PHC3: variants seen among roughly 807,000 people sequenced by gnomAD.
The protein encoded by PHC3 is polyhomeotic homolog 3, also known as polyhomeotic-like protein 3.
PHC3 carries 13 observed loss-of-function variants against 107.4 expected under a neutral mutation model. The observed-to-expected ratio is 0.12, with a 90% CI of 0.08 to 0.19. PHC3 has a LOEUF of 0.19. PHC3 is among the 10% of genes least tolerant of loss of function. PHC3 has a pLI of 1.00. For synonymous variants in PHC3, 456 were observed against 427.4 expected, an observed-to-expected ratio of 1.07 and a Z score of -0.83; for missense variants, 992 against 1,210.9, an observed-to-expected ratio of 0.82 and a Z score of 2.68.
At chr3:170,135,208 T>TGGTGCAATCTTGGCTC (rs1308924652) in intron 7 of PHC3, among the ~76,000 whole-genome samples, 1 of 152,156 alleles carries the variant, frequency 6.6e-6, no homozygotes, top group Non-Finnish European at 1.5e-5. Context: ...TGGAGTGCAG[T>TGGTGCAATCTTGGCTC]GGTGCAATCT....
At chr3:170,177,245 T>A (rs1225627465) in intron 2 of PHC3, among the ~76,000 whole-genome samples, 3 of 152,210 alleles carry the variant, frequency 2.0e-5, no homozygotes, top group Non-Finnish European at 4.4e-5. Flanking sequence ...AACCATTCTG[T>A]ATGTTGGGGC....
At chr3:170,126,912 A>G (rs919163688) in intron 8 of PHC3, among the ~76,000 whole-genome samples, 3 of 151,962 alleles carry the variant, frequency 2.0e-5, no homozygotes, top group Non-Finnish European at 2.9e-5. Context: ...TATAAGGACT[A>G]TAAAGAAGTT....
At chr3:170,136,991 AAGC>A (rs1052400327) in intron 6 of PHC3, among the ~76,000 whole-genome samples, 1 of 152,082 alleles carries the variant, frequency 6.6e-6, no homozygotes, top group African/African-American at 2.4e-5. Flanking sequence ...AACTAAATAA[AAGC>A]AGTATGTATA....
intron 4 of PHC3, among the ~76,000 whole-genome samples, chr3:170,153,868 G>A (rs1560104636): frequency 6.6e-6 from 1 of 151,764 alleles, no homozygotes; most frequent in Non-Finnish European, 1.5e-5. Context: ...CATTACCATA[G>A]CAAGGTATGT....
intron 7 of PHC3, among the ~76,000 whole-genome samples, chr3:170,133,629 T>G (rs1387673695): frequency 1.3e-5 from 2 of 152,240 alleles, no homozygotes; most frequent in Non-Finnish European, 2.9e-5. Context: ...GGTTTGTTTA[T>G]AATCAACAAC....
chr3:170,104,649 C>A (rs1716125719), intron 12 of PHC3, among the ~76,000 whole-genome samples: 1 of 152,124 alleles, frequency 6.6e-6, no homozygotes, highest in Non-Finnish European at 1.5e-5. Flanking sequence ...ATTCTAGAAC[C>A]AGTATGCTGA....
chr3:170,181,562 C>T (rs1560148963), intron 1 of PHC3, 140 bp downstream of exon 1: 3 of 1,260,168 alleles, frequency 2.4e-6, no homozygotes, highest in Admixed American at 1.9e-5. Flanking sequence ...CTAGCCGGCT[C>T]CTCCACGATA....
chr3:170,149,020 A>T (rs763279432), intron 5 of PHC3, 66 bp downstream of exon 5: 2 of 1,470,344 alleles, frequency 1.4e-6, no homozygotes, highest in Non-Finnish European at 1.9e-6. Context: ...TATTGTATCA[A>T]ATCAAGAAAC....
intron 6 of PHC3, 68 bp from the exon 7 acceptor site, chr3:170,136,733 AT>A (rs576100256): frequency 1.0e-4 from 152 of 1,493,032 alleles, no homozygotes; most frequent in Non-Finnish European, 1.3e-4. Context: ...CATCATTACC[AT>A]TATGACAATA....
rs1358893953 is a variant in PHC3, at chr3:170,097,541, G to A, written c.2834-157C>T. On this transcript the variant is annotated intron_variant, in intron 14 of 14. Transcript: ENST00000495893. The surrounding 1 kb of genome is among the most constrained non-coding windows in gnomAD (Gnocchi z 4.1). The stretch of plus-strand genomic sequence containing the variant: ...TTATGGTAGTCTTGAGTTCACTCTT[G>A]AAGAATAGAGTATTTGCATTCTGAA... 1.3e-5 allele frequency among the ~76,000 whole-genome samples: 2 copies of A among 152,162 alleles called. No homozygotes were observed. Among genetic ancestry groups the A allele is most frequent in the Non-Finnish European group, 2.9e-5 (2 of 68,030 alleles).
chr3:170,168,753 CA>C (rs59152470), intron 4 of PHC3, among the ~76,000 whole-genome samples: 1,006 of 77,050 alleles, frequency 0.013, 4 homozygotes, highest in African/African-American at 0.035. Flanking sequence ...GACTCCGTCT[CA>C]AAAAAAAAAA....
intron 4 of PHC3, among the ~76,000 whole-genome samples, chr3:170,154,767 A>G (rs1726620583): frequency 6.6e-6 from 1 of 152,230 alleles, no homozygotes; most frequent in African/African-American, 2.4e-5. Flanking sequence ...CTATCTACTA[A>G]TAACACCCAA....
At position 170,149,985 on chromosome 3, in the gene PHC3, A is replaced by G. The variant is rs969566483; in HGVS notation, c.415-741T>C. ...GATTTTGTATGTTCTCAACACTAAG[A>G]AATGATCAATGATTTGAGATGATGG... On this transcript the variant is annotated intron_variant, in intron 4 of 14. Transcript: ENST00000495893. The G allele has an allele frequency of 1.1e-4, 17 of 152,300 alleles. No homozygotes were observed. The East Asian group carries it at 3.3e-3, about 29-fold the overall frequency. 9.4% of individuals were successfully genotyped at this position (152,300 alleles called of 1,614,324 possible). A position where few individuals can be genotyped will look rare whatever the true frequency, so the allele number is the denominator to read the frequency against.
At position 170,175,923 on chromosome 3, in the gene PHC3, C is replaced by CAA. The variant is rs55761970; in HGVS notation, c.180+2848_180+2849dup. Among the ~76,000 whole-genome samples the CAA allele has an allele frequency of 1.4e-4, 12 of 88,582 alleles. No homozygotes were observed. In the East Asian group the frequency reaches 1.9e-3, roughly 14 times the overall value. The allele number at this position is 88,582 out of a possible 152,430, so 58.1% of individuals were successfully genotyped here. On this transcript the variant is annotated intron_variant, in intron 2 of 14. Transcript: ENST00000495893. ...TGGGCTACAGGGCAAGACTCAGTCT[C>CAA]AAAAAAAAAAAAAACAAAACCCGGC...
chr3:170,129,601 AT>A, intron 7 of PHC3, 49 bp from the exon 8 acceptor site: 1 of 1,504,342 alleles, frequency 6.6e-7, no homozygotes, highest in Non-Finnish European at 9.0e-7. Context: ...AAATACAGAA[AT>A]TTTTAAATCA....
At chr3:170,181,602 A>G in intron 1 of PHC3, 100 bp downstream of exon 1, 5 of 1,563,284 alleles carry the variant, frequency 3.2e-6, no homozygotes, top group Non-Finnish European at 4.4e-6. Flanking sequence ...CTTTCCCCAC[A>G]CTGCCCGCAA....
intron 14 of PHC3, among the ~76,000 whole-genome samples, chr3:170,100,524 A>AACC (rs1715302155): frequency 6.6e-6 from 1 of 152,196 alleles, no homozygotes; most frequent in East Asian, 1.9e-4. Context: ...GAGTCATATT[A>AACC]ACCAGACTCT....
intron 4 of PHC3, 25 bp from the exon 5 acceptor site, chr3:170,149,269 A>G: frequency 6.3e-7 from 1 of 1,575,762 alleles, no homozygotes; most frequent in Non-Finnish European, 8.6e-7. Flanking sequence ...ATATTAGGTC[A>G]TAGGCTTCCA....
rs79924242 is a variant in PHC3, at chr3:170,098,075, C to T, written c.2834-691G>A. ...CTCATTGAAATTATGAGCTTGCTGGCGAATTTCCTGCCATATAACCAATAT... is the reference window on the plus strand; with the variant it reads ...CTCATTGAAATTATGAGCTTGCTGGTGAATTTCCTGCCATATAACCAATAT... On this transcript the variant is annotated intron_variant, in intron 14 of 14. Coordinates refer to ENST00000495893, the MANE Select transcript of PHC3 (RefSeq NM_024947.4). Among the ~76,000 whole-genome samples, 729 of 152,174 alleles carry T rather than the reference C, an allele frequency of 4.8e-3. 4 individuals carry two copies. The highest frequency in any genetic ancestry group is 0.017 in the African/African-American group (696 of 41,540).
Sources: gnomAD v4.1 joint callset for allele counts (sites outside exome capture counted in the v4.1 genomes callset) on GRCh38, gnomAD v4.1.1 for gene constraint, Gnocchi (gnomAD v3.1) non-coding constraint, MANE v1.5 for transcripts, NCBI Gene and HGNC (gene_info 2026-07-23, HGNC 2026-07-21) for gene names.